Variants in SIPA1L2 observed in about 807,000 individuals in gnomAD.
SIPA1L2 encodes the protein signal-induced proliferation-associated 1-like protein 2.
Under a neutral mutation model 163.9 loss-of-function variants are expected in SIPA1L2, and 56 were observed. The observed-to-expected ratio is 0.34, with a 90% CI of 0.28 to 0.43. The LOEUF (loss-of-function observed/expected upper bound fraction) is 0.43. Among genes scored for constraint, SIPA1L2 ranks in the 20% least tolerant of loss-of-function variants. The probability of loss-of-function intolerance (pLI) is 1.00; values close to 1 mark genes in which losing one functional copy is unlikely to be tolerated. For missense variants in SIPA1L2, 1,974 were observed against 2,193.5 expected (o/e 0.90, Z 2.00); for synonymous variants, 877 against 865.7 (o/e 1.01, Z -0.23).
Position 232,515,272 on chromosome 1 carries a change from T to C in SIPA1L2, c.68A>G (p.Asp23Gly). 6.2e-7 allele frequency: 1 copy of C among 1,613,816 alleles called. No individual in the cohort carries two copies. Among genetic ancestry groups the C allele is most frequent in the Non-Finnish European group, 8.5e-7 (1 of 1,179,852 alleles). ...KLGRASSKFKDPPRIMQSDDY... is the reference protein window; with the variant it reads ...KLGRASSKFKGPPRIMQSDDY... Reference sequence around the variant, plus strand: ...ATCTGACTGCATGATTCTAGGGGGATCCTTGAACTTTGAAGAGGCTCTGCC... The same window carrying C: ...ATCTGACTGCATGATTCTAGGGGGACCCTTGAACTTTGAAGAGGCTCTGCC... Residue 23 changes from aspartate (D) to glycine (G), a missense_variant, in exon 3 of 23, where the codon GAT (aspartate) becomes GGT (glycine). By Grantham distance (94) the Asp-to-Gly change is moderately conservative (BLOSUM62 -1). This residue lies in a region of SIPA1L2 where 607 missense variants were observed against 624.0 expected (regional missense o/e 0.97). Transcript: ENST00000674635.
chr1:232,549,232 G>A (rs1293759464), intron 2 of SIPA1L2, among the ~76,000 whole-genome samples: 1 of 152,132 alleles, frequency 6.6e-6, no homozygotes, highest in African/African-American at 2.4e-5. Context: ...CTGCCTGGAC[G>A]ACCTCCCAGC....
chr1:232,422,126 G>A (rs761512377), intron 18 of SIPA1L2, among the ~76,000 whole-genome samples: 1 of 151,880 alleles, frequency 6.6e-6, no homozygotes, highest in Non-Finnish European at 1.5e-5. Flanking sequence ...TTCTCACCTG[G>A]GCCCTTAAAT....
chr1:232,471,595 C>A, intron 7 of SIPA1L2, 67 bp from the exon 8 acceptor site: 2 of 1,292,374 alleles, frequency 1.5e-6, no homozygotes, highest in Non-Finnish European at 2.1e-6. Context: ...ATATAATTCA[C>A]TCATCTTTCA....
chr1:232,508,566 T>C (rs1666837156), intron 3 of SIPA1L2, among the ~76,000 whole-genome samples: 2 of 152,202 alleles, frequency 1.3e-5, no homozygotes, highest in African/African-American at 2.4e-5. Context: ...GATGCTCACA[T>C]GACTGACCGT....
Position 232,514,468 on chromosome 1 carries a change from A to T in SIPA1L2, c.872T>A (p.Leu291His), listed in dbSNP as rs377255995. Residue 291 changes from leucine (L) to histidine (H), a missense_variant, in exon 3 of 23, where the codon CTC becomes CAC. Physicochemically the swap from Leu to His is moderately conservative, Grantham distance 99. This residue lies in a region of SIPA1L2 where 607 missense variants were observed against 624.0 expected (regional missense o/e 0.97). Transcript: ENST00000674635. The part of the protein sequence containing the change: ...RLKSESVETS[L>H]FRKLRTVKSE... ...TTTAACAGTTCGAAGCTTTCGGAAG[A>T]GAGATGTTTCCACCGACTCTGATTT... is the stretch of plus-strand genomic sequence containing the variant. 12 of 1,614,116 alleles carry T rather than the reference A, an allele frequency of 7.4e-6. No homozygotes were observed. Among genetic ancestry groups the T allele is most frequent in the Non-Finnish European group, 1.0e-5 (12 of 1,180,052 alleles).
rs1572877988 is a variant in SIPA1L2 at position 232,425,535 on chromosome 1, G to A, written c.4630+54C>T. 11 of 1,412,712 alleles carry A rather than the reference G, an allele frequency of 7.8e-6. No individual in the cohort carries two copies. In the East Asian group the frequency reaches 2.8e-4, roughly 35 times the overall value. The allele number at this position is 1,412,712 out of a possible 1,614,324, so 87.5% of individuals were successfully genotyped here. A position where few individuals can be genotyped will look rare whatever the true frequency, so the allele number is the denominator to read the frequency against. ...CTCAGAGCTCAATGAGGCAGGAGTT[G>A]TGCGATCAGCCCACCCTCGGCGCTG... On this transcript the variant is annotated intron_variant, in intron 18 of 22. Transcript: ENST00000674635.
intron 1 of SIPA1L2, among the ~76,000 whole-genome samples, chr1:232,615,783 G>A (rs1226612778): frequency 6.6e-6 from 1 of 152,094 alleles, no homozygotes; most frequent in Non-Finnish European, 1.5e-5. Flanking sequence ...GGGGCAGGGA[G>A]GACTCTATCT....
rs529345429 is a variant in SIPA1L2, at chr1:232,455,630, G to A, written c.3095+5257C>T. ...CGTGAGGCGGAGCTTGCAGCGAGGC[G>A]GAGCTTGCAGCGAGCCGGAGCTTGC... On this transcript the variant is annotated intron_variant, in intron 10 of 22. Transcript: ENST00000674635. Among the ~76,000 whole-genome samples, 7 of 141,634 alleles carry A rather than the reference G, an allele frequency of 4.9e-5. No homozygotes were observed. In the South Asian group the frequency reaches 1.1e-3, roughly 22 times the overall value. The allele number at this position is 141,634 out of a possible 152,430, so 92.9% of individuals were successfully genotyped here.
chr1:232,429,946 T>C (rs540149307), intron 16 of SIPA1L2, among the ~76,000 whole-genome samples: 1 of 152,374 alleles, frequency 6.6e-6, no homozygotes, highest in Admixed American at 6.5e-5. Flanking sequence ...CAATGTGCTG[T>C]TCTAGTTTCT....
chr1:232,577,695 A>C (rs921620813), intron 1 of SIPA1L2, among the ~76,000 whole-genome samples: 4 of 152,168 alleles, frequency 2.6e-5, no homozygotes, highest in African/African-American at 9.7e-5. Flanking sequence ...TTAACATTTC[A>C]ATAGAGGAAG....
rs1660145389 is a variant in SIPA1L2 at position 232,398,424 on chromosome 1, G to A, written c.*703C>T. ...GAAGTGACTACTGACCACTCGGTGA[G>A]CCATTTACAAGGCATATGTATCTTT... On this transcript the variant is annotated 3_prime_UTR_variant, in exon 23 of 23. Transcript: ENST00000674635. 1 of 152,566 alleles carries A rather than the reference G, an allele frequency of 6.6e-6. No individual in the cohort carries two copies. Among genetic ancestry groups the A allele is most frequent in the Non-Finnish European group, 1.5e-5 (1 of 68,024 alleles). 9.5% of individuals were successfully genotyped at this position (152,566 alleles called of 1,614,324 possible). A position where few individuals can be genotyped will look rare whatever the true frequency, so the allele number is the denominator to read the frequency against.
chr1:232,497,124 A>G (rs1320286708), intron 3 of SIPA1L2, among the ~76,000 whole-genome samples: 2 of 152,236 alleles, frequency 1.3e-5, no homozygotes, highest in Non-Finnish European at 2.9e-5. Context: ...CAGGTGCCAC[A>G]AGGACAGAAA....
At chr1:232,428,892 A>G (rs537493039) in intron 16 of SIPA1L2, among the ~76,000 whole-genome samples, 2 of 152,256 alleles carry the variant, frequency 1.3e-5, no homozygotes, top group South Asian at 4.1e-4. Context: ...AGTTTCAATA[A>G]TTCATCAGAG....
intron 2 of SIPA1L2, among the ~76,000 whole-genome samples, chr1:232,533,763 CTT>C (rs1367422175): frequency 1.3e-5 from 2 of 152,204 alleles, no homozygotes; most frequent in Non-Finnish European, 2.9e-5. Context: ...GACAAGAACA[CTT>C]TGCTCAGAGA....
chr1:232,569,386 T>C (rs377538978), intron 2 of SIPA1L2, among the ~76,000 whole-genome samples: 77 of 152,318 alleles, frequency 5.1e-4, no homozygotes, highest in African/African-American at 6.3e-4. Context: ...AACCCAATCC[T>C]GGCAAGAGAT....
At chr1:232,421,852 A>G (rs1661594246) in intron 18 of SIPA1L2, among the ~76,000 whole-genome samples, 1 of 152,244 alleles carries the variant, frequency 6.6e-6, no homozygotes, top group Non-Finnish European at 1.5e-5. Context: ...TTGAAACCAC[A>G]CATAATATTC....
chr1:232,623,388 G>A (rs1360416129), intron 1 of SIPA1L2, among the ~76,000 whole-genome samples: 2 of 152,126 alleles, frequency 1.3e-5, no homozygotes, highest in South Asian at 4.1e-4. Flanking sequence ...GGCAGATCAC[G>A]AGGTCAGGAG....
intron 2 of SIPA1L2, among the ~76,000 whole-genome samples, chr1:232,546,185 T>C (rs1015376987): frequency 3.3e-5 from 5 of 152,326 alleles, no homozygotes; most frequent in Middle Eastern, 3.4e-3. Flanking sequence ...CTGCATTTCC[T>C]AGGCAGCCAG....
rs574770539 is a variant in SIPA1L2, at chr1:232,403,695, T to C, written c.4817-124A>G. On this transcript the variant is annotated intron_variant, in intron 20 of 22. Transcript: ENST00000674635. ...CCCTTCAAACCAGTTACTGCCTTGT[T>C]TTGGAGCAAAACAAAGAAAAACAAA... 586 of 1,303,942 alleles carry C rather than the reference T, an allele frequency of 4.5e-4. No individual in the cohort carries two copies. Among genetic ancestry groups the C allele is most frequent in the Non-Finnish European group, 5.7e-4 (549 of 967,056 alleles). The allele number at this position is 1,303,942 out of a possible 1,614,324, so 80.8% of individuals were successfully genotyped here.
Sources: allele counts gnomAD v4.1 joint callset (sites outside exome capture counted in the v4.1 genomes callset), GRCh38; gene constraint gnomAD v4.1.1; regional missense constraint gnomAD v4.1.1; transcripts MANE v1.5; gene names NCBI Gene and HGNC (gene_info 2026-07-23, HGNC 2026-07-21).